The following DSE variants were observed in gnomAD, a reference collection of about 807,000 sequenced individuals.
The protein encoded by DSE is dermatan sulfate epimerase.
Under a neutral mutation model 84.4 loss-of-function variants are expected in DSE, and 36 were observed. The ratio of observed to expected loss-of-function variants is 0.43; its 90% confidence interval spans 0.33 to 0.56. The LOEUF (loss-of-function observed/expected upper bound fraction) is 0.56, where lower values mean the gene tolerates loss of function less well. DSE is among the 20% of genes least tolerant of loss of function. DSE has a pLI of 0.06. For missense variants in DSE, 862 were observed against 1,169.6 expected, an observed-to-expected ratio of 0.74 and a Z score of 3.84; for synonymous variants, 410 against 430.1, an observed-to-expected ratio of 0.95 and a Z score of 0.58.
intron 2 of DSE, among the ~76,000 whole-genome samples, chr6:116,404,745 G>C (rs1781805998): frequency 6.6e-6 from 1 of 152,190 alleles, no homozygotes; most frequent in Non-Finnish European, 1.5e-5. Context: ...TAGGTTTCTT[G>C]GTACACAGTA....
upstream of DSE, chr6:116,366,523 T>A (rs1779173115): frequency 6.6e-6 from 1 of 152,236 alleles, no homozygotes; most frequent in Non-Finnish European, 1.5e-5. Flanking sequence ...CAGTAATTTT[T>A]GTAATTTCAG....
intron 2 of DSE, among the ~76,000 whole-genome samples, chr6:116,403,101 T>A (rs2115003290): frequency 6.6e-6 from 1 of 152,302 alleles, no homozygotes; most frequent in Admixed American, 6.5e-5. Context: ...GCATTTTTAT[T>A]GTGTGTGTCT....
chr6:116,295,653 A>T (rs1165886695), intron 2 of DSE, among the ~76,000 whole-genome samples: 4 of 152,186 alleles, frequency 2.6e-5, no homozygotes, highest in Non-Finnish European at 4.4e-5. Context: ...GTTTTTTGAC[A>T]CTGTTAGTTT....
In DSE at chr6:116,436,887, A is replaced by G. The variant is rs371447746; in HGVS notation, c.2419A>G (p.Lys807Glu). ...SQQQQQQSKS[K>E]KNRRAGKRYK... ...GCAACAGCAGCAGCAAAGCAAGTCA[A>G]AGAAAAACCGAAGGGCAGGCAAACG... is the stretch of plus-strand genomic sequence containing the variant. Residue 807 changes from lysine to glutamate, a missense_variant, in exon 6 of 6, where the codon AAG (lysine) becomes GAG (glutamate). This residue lies in a region of DSE where 315 missense variants were observed against 348.1 expected (regional missense o/e 0.90). Transcript: ENST00000644252. 1 of 1,614,026 alleles carries G rather than the reference A, an allele frequency of 6.2e-7. No individual in the cohort carries two copies. The highest frequency in any genetic ancestry group is 8.5e-7 in the Non-Finnish European group (1 of 1,180,014).
chr6:116,414,999 G>A (rs1782607858), intron 2 of DSE, among the ~76,000 whole-genome samples: 1 of 152,166 alleles, frequency 6.6e-6, no homozygotes, highest in African/African-American at 2.4e-5. Context: ...CTAGGATGTG[G>A]ATTGCTTGCA....
At chr6:116,282,231 A>G (rs1393725490) in intron 2 of DSE, among the ~76,000 whole-genome samples, 1 of 152,244 alleles carries the variant, frequency 6.6e-6, no homozygotes, top group Non-Finnish European at 1.5e-5. Flanking sequence ...TTTGGTGTAA[A>G]TAAAAAGGAA....
At chr6:116,318,754 A>G (rs1444777018) in intron 2 of DSE, among the ~76,000 whole-genome samples, 3 of 152,244 alleles carry the variant, frequency 2.0e-5, no homozygotes, top group Non-Finnish European at 2.9e-5. Context: ...AAATTTAAAA[A>G]TATTTTTTGG....
chr6:116,415,960 G>A (rs111842228), intron 2 of DSE, among the ~76,000 whole-genome samples: 40 of 152,218 alleles, frequency 2.6e-4, no homozygotes, highest in African/African-American at 9.4e-4. Flanking sequence ...TGTAACACAG[G>A]GCTAAAATCA....
In DSE at chr6:116,275,058, T is replaced by C. The variant is rs374414316; in HGVS notation, c.-54+16091T>C. On this transcript the variant is annotated intron_variant, in intron 2 of 3. Coordinates refer to the DSE transcript ENST00000430252. ...CAACATGCAATCAATATGAAAAAAA[T>C]TGAGATATTTTAACATTTTTCTTTC... Among the ~76,000 whole-genome samples, 244 of 152,254 alleles carry C rather than the reference T, an allele frequency of 1.6e-3. 1 individual carries two copies. The highest frequency in any genetic ancestry group is 5.5e-3 in the African/African-American group (227 of 41,536).
Position 116,431,039 on chromosome 6 carries a change from T to C in DSE, c.756T>C (p.Asp252=). The change falls in exon 4 of 6, where the codon GAT becomes GAC. Residue 252 remains aspartate, a synonymous_variant. Coordinates refer to ENST00000644252, the MANE Select transcript of DSE (RefSeq NM_013352.4). Reference sequence around the variant, plus strand: ...TGGTCTTGCTCAGGGAGGTGACGGATGGCTCCCTCTATGAAGGAGTTGCGT... The same window carrying C: ...TGGTCTTGCTCAGGGAGGTGACGGACGGCTCCCTCTATGAAGGAGTTGCGT... ...KSLVLLREVT[D]GSLYEGVAYG... The C allele has an allele frequency of 6.2e-7, 1 of 1,614,198 alleles. No individual in the cohort carries two copies. The highest frequency in any genetic ancestry group is 1.1e-5 in the South Asian group (1 of 91,078).
intron 2 of DSE, chr6:116,278,829 C>T (rs1204841609): frequency 6.2e-7 from 1 of 1,614,176 alleles, no homozygotes; most frequent in Admixed American, 1.7e-5. Context: ...TGACAATCAG[C>T]TTGTTTCTGA....
At chr6:116,264,162 C>T (rs1772523742) in intron 2 of DSE, among the ~76,000 whole-genome samples, 2 of 152,178 alleles carry the variant, frequency 1.3e-5, no homozygotes, top group Non-Finnish European at 2.9e-5. Context: ...TGGAAGTTCT[C>T]ATGGATAATA....
chr6:116,266,802 G>C (rs532128419), intron 2 of DSE, among the ~76,000 whole-genome samples: 1 of 152,002 alleles, frequency 6.6e-6, no homozygotes, highest in Non-Finnish European at 1.5e-5. Context: ...AATACTTTTA[G>C]AGCAGATGAA....
At chr6:116,370,561 TC>T (rs1751642114), upstream of DSE, 4 of 943,748 alleles carry the variant, frequency 4.2e-6, no homozygotes, top group Non-Finnish European at 3.8e-6. Flanking sequence ...CATCAGCTCC[TC>T]CCCCTGGGCC....
At chr6:116,403,316 A>C (rs1377224092) in intron 2 of DSE, among the ~76,000 whole-genome samples, 2 of 152,100 alleles carry the variant, frequency 1.3e-5, no homozygotes, top group Non-Finnish European at 2.9e-5. Flanking sequence ...TAAAATTAAA[A>C]AGGTATTATT....
intron 4 of DSE, 54 bp from the exon 5 acceptor site, chr6:116,433,289 A>T (rs1783957194): frequency 3.3e-6 from 5 of 1,502,200 alleles, no homozygotes; most frequent in Non-Finnish European, 4.5e-6. Context: ...TTAGACCTAT[A>T]TAGGAGTGTG....
chr6:116,356,378 AT>A (rs1778569992), intron 2 of DSE, among the ~76,000 whole-genome samples: 1 of 152,226 alleles, frequency 6.6e-6, no homozygotes, highest in African/African-American at 2.4e-5. Context: ...TGAAGTATGC[AT>A]AGCTAGTCAA....
intron 2 of DSE, among the ~76,000 whole-genome samples, chr6:116,271,214 T>A (rs1772863690): frequency 6.6e-6 from 1 of 152,248 alleles, no homozygotes. Flanking sequence ...GGTTCCCAAA[T>A]GATTGATAGC....
intron 2 of DSE, among the ~76,000 whole-genome samples, chr6:116,322,159 A>G (rs1173710739): frequency 1.3e-5 from 2 of 152,116 alleles, no homozygotes; most frequent in African/African-American, 4.8e-5. Flanking sequence ...ACTGGTAATT[A>G]GATCAGAACA....
Sources: allele counts gnomAD v4.1 joint callset (sites outside exome capture counted in the v4.1 genomes callset), GRCh38; gene constraint gnomAD v4.1.1; regional missense constraint gnomAD v4.1.1; transcripts MANE v1.5; gene names NCBI Gene and HGNC (gene_info 2026-07-23, HGNC 2026-07-21).